CCDC171: variants seen among roughly 807,000 people sequenced by gnomAD.
The protein encoded by CCDC171 is coiled-coil domain containing 171.
In CCDC171, 177 loss-of-function variants were observed where a neutral mutation model predicts 168.2. The observed-to-expected ratio is 1.05, with a 90% confidence interval of 0.93 to 1.19. The LOEUF (loss-of-function observed/expected upper bound fraction) is 1.19. Ranked by LOEUF, CCDC171 falls within the 50% of genes most tolerant of loss-of-function variation. CCDC171 has a pLI of 0.00. For synonymous variants in CCDC171, 687 were observed against 540.8 expected (o/e 1.27, Z -3.75); for missense variants, 1,991 against 1,539.0 (o/e 1.29, Z -4.91).
At chr9:16,037,534 G>C (rs946176565) in intron 8 of CCDC171, among the ~76,000 whole-genome samples, 1 of 152,074 alleles carries the variant, frequency 6.6e-6, no homozygotes, top group Admixed American at 6.5e-5. Context: ...AGGCACTTCA[G>C]ATAATAAATG....
the CCDC171 span, among the ~76,000 whole-genome samples, chr9:16,083,629 T>C: frequency 6.6e-6 from 1 of 152,270 alleles, no homozygotes; most frequent in Admixed American, 6.5e-5. Flanking sequence ...TGGAGATGGT[T>C]CTAGAAAGAC....
intron 6 of CCDC171, among the ~76,000 whole-genome samples, chr9:15,616,113 G>A (rs1333534591): frequency 6.6e-6 from 1 of 152,106 alleles, no homozygotes; most frequent in East Asian, 1.9e-4. Context: ...ACCACACCTG[G>A]CTAATTTTTT....
chr9:16,019,321 A>T (rs1222074883), intron 3 of CCDC171, among the ~76,000 whole-genome samples: 1 of 152,174 alleles, frequency 6.6e-6, no homozygotes, highest in East Asian at 1.9e-4. Flanking sequence ...GAGTGAGTTG[A>T]TGGCTCCCAT....
intron 24 of CCDC171, among the ~76,000 whole-genome samples, chr9:15,913,833 T>G (rs556505154): frequency 9.8e-5 from 15 of 152,326 alleles, no homozygotes; most frequent in African/African-American, 3.6e-4. Flanking sequence ...TTTGCATGCT[T>G]GTTCTTTTTG....
chr9:15,612,718 C>G (rs536116554), intron 6 of CCDC171, among the ~76,000 whole-genome samples: 2 of 152,052 alleles, frequency 1.3e-5, no homozygotes, highest in Non-Finnish European at 2.9e-5. Context: ...CTTTTTCTTA[C>G]TTTTGAATAG....
chr9:16,027,370 AC>A (rs35107423), intron 6 of CCDC171, among the ~76,000 whole-genome samples: 2,404 of 152,258 alleles, frequency 0.016, 74 homozygotes, highest in South Asian at 0.11. Flanking sequence ...AGAAAGGAAC[AC>A]CCAAGCTTAT....
At chr9:15,826,445 A>G (rs373661667) in intron 21 of CCDC171, among the ~76,000 whole-genome samples, 4 of 152,156 alleles carry the variant, frequency 2.6e-5, no homozygotes, top group East Asian at 1.9e-4. Flanking sequence ...TGTGGAGTCT[A>G]TTTCCCTCTT....
intron 21 of CCDC171, among the ~76,000 whole-genome samples, chr9:15,789,531 T>A (rs960850471): frequency 1.3e-5 from 2 of 152,202 alleles, no homozygotes; most frequent in African/African-American, 4.8e-5. Flanking sequence ...GCTTGCCTAA[T>A]CTAGTTCCTT....
At chr9:15,664,508 CG>C in intron 8 of CCDC171, among the ~76,000 whole-genome samples, 1 of 150,654 alleles carries the variant, frequency 6.6e-6, no homozygotes, top group Middle Eastern at 3.5e-3. Flanking sequence ...CTTGGCCTCC[CG>C]GAGTGTTGGG....
intron 7 of CCDC171, 68 bp downstream of exon 7, chr9:15,623,481 A>T: frequency 2.0e-6 from 1 of 493,988 alleles, no homozygotes; most frequent in South Asian, 4.6e-5. Context: ...GCGCGCACAC[A>T]CACACACACA....
chr9:15,768,493 T>A (rs1156277408), intron 18 of CCDC171, among the ~76,000 whole-genome samples: 1 of 152,184 alleles, frequency 6.6e-6, no homozygotes, highest in Non-Finnish European at 1.5e-5. Flanking sequence ...TGACCCACCC[T>A]TTCTCCCTGT....
At chr9:15,630,205 G>A (rs202086762) in intron 7 of CCDC171, among the ~76,000 whole-genome samples, 17 of 152,268 alleles carry the variant, frequency 1.1e-4, no homozygotes, top group South Asian at 8.3e-4. Context: ...AATGGGCTAA[G>A]TGCTCCAATT....
rs145534717 is a variant in CCDC171, at chr9:15,600,937, A to G, written c.675+6765A>G. Among the ~76,000 whole-genome samples, 379 of 152,278 alleles carry G rather than the reference A, an allele frequency of 2.5e-3. 2 individuals carry two copies. The highest frequency in any genetic ancestry group is 8.5e-3 in the African/African-American group (354 of 41,556). On this transcript the variant is annotated intron_variant, in intron 6 of 25. Coordinates refer to ENST00000380701, the MANE Select transcript of CCDC171 (RefSeq NM_173550.4). ...CATGGGTGTAGGACCCTCCGAGCCAAGCGCGGGATACAATCTCCTGGTGTG... is the reference window on the plus strand; with the variant it reads ...CATGGGTGTAGGACCCTCCGAGCCAGGCGCGGGATACAATCTCCTGGTGTG...
At chr9:15,638,397 G>A (rs2132466383) in intron 7 of CCDC171, among the ~76,000 whole-genome samples, 1 of 152,212 alleles carries the variant, frequency 6.6e-6, no homozygotes, top group East Asian at 1.9e-4. Context: ...CAATTGCGGA[G>A]ACAATCACTA....
At chr9:16,071,035 C>T in the CCDC171 span, among the ~76,000 whole-genome samples, 3 of 152,144 alleles carry the variant, frequency 2.0e-5, no homozygotes, top group Non-Finnish European at 4.4e-5. Flanking sequence ...AAGGAATTTC[C>T]TTTTCAACTG....
At chr9:15,601,136 A>G (rs1357629368) in intron 6 of CCDC171, among the ~76,000 whole-genome samples, 1 of 152,116 alleles carries the variant, frequency 6.6e-6, no homozygotes, top group African/African-American at 2.4e-5. Context: ...CACTGCACCC[A>G]CTGTCCTGCA....
chr9:15,849,376 T>C (rs2061033681), intron 23 of CCDC171, among the ~76,000 whole-genome samples: 1 of 151,192 alleles, frequency 6.6e-6, no homozygotes, highest in Non-Finnish European at 1.5e-5. Flanking sequence ...ATAAACTAGG[T>C]AGTAATGTTA....
chr9:15,574,599 T>C (rs118059034), intron 3 of CCDC171, among the ~76,000 whole-genome samples: 2,499 of 152,312 alleles, frequency 0.016, 104 homozygotes, highest in East Asian at 0.12. Context: ...CAATTATTTC[T>C]TTAGATGATC....
At chr9:15,646,370 C>T (rs1319863737) in intron 7 of CCDC171, among the ~76,000 whole-genome samples, 5 of 152,158 alleles carry the variant, frequency 3.3e-5, no homozygotes, top group African/African-American at 1.2e-4. Context: ...CAGCTAACAT[C>T]ATAATGACAG....
Sources: allele counts gnomAD v4.1 joint callset (sites outside exome capture counted in the v4.1 genomes callset), GRCh38; gene constraint gnomAD v4.1.1; transcripts MANE v1.5; gene names NCBI Gene and HGNC (gene_info 2026-07-23, HGNC 2026-07-21).